The following PREP variants were observed in gnomAD, a reference collection of about 807,000 sequenced individuals.
PREP encodes dJ355L5.1 (prolyl endopeptidase).
A neutral mutation model predicts 87.6 loss-of-function variants in PREP; 29 were observed. That is an observed-to-expected ratio of 0.33 (90% CI 0.25 to 0.45). The LOEUF is 0.45. Among genes scored for constraint, PREP ranks in the 20% least tolerant of loss-of-function variants. PREP has a pLI of 1.00. For synonymous variants in PREP, 337 were observed against 328.6 expected, an observed-to-expected ratio of 1.03 and a Z score of -0.28; for missense variants, 695 against 886.5, an observed-to-expected ratio of 0.78 and a Z score of 2.74.
chr6:105,279,662 G>C (rs1205842591), intron 14 of PREP, among the ~76,000 whole-genome samples: 1 of 152,192 alleles, frequency 6.6e-6, no homozygotes, highest in Non-Finnish European at 1.5e-5. Context: ...GGCTTGAGGA[G>C]CTCCCTGTAG....
At chr6:105,332,135 G>C (rs2114657333) in intron 8 of PREP, among the ~76,000 whole-genome samples, 1 of 152,106 alleles carries the variant, frequency 6.6e-6, no homozygotes, top group African/African-American at 2.4e-5. Context: ...CAAGAGGGTT[G>C]AAGAGTGCAG....
chr6:105,352,826 A>C, intron 7 of PREP, 146 bp downstream of exon 7: 76 of 631,428 alleles, frequency 1.2e-4, no homozygotes, highest in Non-Finnish European at 1.5e-4. Context: ...ATTTTATGGA[A>C]TAGTACTAAA....
chr6:105,390,454 A>C (rs752395731), intron 2 of PREP, among the ~76,000 whole-genome samples: 25 of 152,228 alleles, frequency 1.6e-4, no homozygotes, highest in Non-Finnish European at 3.4e-4. Flanking sequence ...ACTCAGGGAG[A>C]ATAAGAAGTT....
At chr6:105,383,874 G>T (rs905854516) in intron 2 of PREP, among the ~76,000 whole-genome samples, 1 of 152,102 alleles carries the variant, frequency 6.6e-6, no homozygotes, top group Non-Finnish European at 1.5e-5. Flanking sequence ...GTGAAGAGGT[G>T]ATTTGCACCT....
At chr6:105,334,712 C>CACAACAACAACAACAACAACAACA (rs1241061594) in intron 7 of PREP, among the ~76,000 whole-genome samples, 3 of 102,744 alleles carry the variant, frequency 2.9e-5, no homozygotes, top group African/African-American at 1.9e-4. Context: ...GAGACTCTGT[C>CACAACAACAACAACAACAACAACA]TCAACAACAA....
intron 10 of PREP, among the ~76,000 whole-genome samples, chr6:105,320,715 A>T (rs1379042561): frequency 1.3e-5 from 2 of 152,124 alleles, no homozygotes; most frequent in Non-Finnish European, 2.9e-5. Context: ...GAGATAAGAT[A>T]CTCTTTTCAA....
At chr6:105,344,594 A>G (rs764570375) in intron 7 of PREP, among the ~76,000 whole-genome samples, 8 of 151,302 alleles carry the variant, frequency 5.3e-5, no homozygotes, top group Non-Finnish European at 1.2e-4. Context: ...AAAACCAAAC[A>G]CTGCATGTTC....
rs545781879 is a variant in PREP at position 105,287,262 on chromosome 6, T to C, written c.1454+1496A>G. ...ACAAATCTCGTTGCCTGGGAAACTT[T>C]GGAAAGAGATGGGAAGTCCTCATGT... On this transcript the variant is annotated intron_variant, in intron 11 of 14. Transcript: ENST00000652536. Among the ~76,000 whole-genome samples, 5 of 152,222 alleles carry C rather than the reference T, an allele frequency of 3.3e-5. No homozygotes were observed. The South Asian group carries it at 1.0e-3, about 32-fold the overall frequency.
Position 105,352,276 on chromosome 6 carries a change from T to G in PREP, c.823+696A>C, listed in dbSNP as rs180748692. On this transcript the variant is annotated intron_variant, in intron 7 of 14. Coordinates refer to ENST00000652536, the MANE Select transcript of PREP (RefSeq NM_002726.5). Reference sequence around the variant, plus strand: ...CATAGTAAATTGTGCAGCTGAAAAGTTTTTGTGCTTGATGATAGTGCTGGT... The same window carrying G: ...CATAGTAAATTGTGCAGCTGAAAAGGTTTTGTGCTTGATGATAGTGCTGGT... Among the ~76,000 whole-genome samples, 193 of 152,270 alleles carry G rather than the reference T, an allele frequency of 1.3e-3. 2 individuals carry two copies. The highest frequency in any genetic ancestry group is 4.2e-3 in the African/African-American group (174 of 41,534).
chr6:105,325,024 C>A (rs944183283), intron 9 of PREP, among the ~76,000 whole-genome samples: 3 of 152,096 alleles, frequency 2.0e-5, no homozygotes, highest in Non-Finnish European at 4.4e-5. Flanking sequence ...TATATACTTC[C>A]AATTGCATTC....
At chr6:105,357,999 A>C (rs1013108944) in intron 6 of PREP, among the ~76,000 whole-genome samples, 26 of 151,834 alleles carry the variant, frequency 1.7e-4, no homozygotes, top group African/African-American at 5.3e-4. Context: ...ATTTGCAAGC[A>C]CTGATTTTTT....
At chr6:105,307,338 T>C (rs1362053409) in intron 10 of PREP, among the ~76,000 whole-genome samples, 1 of 152,110 alleles carries the variant, frequency 6.6e-6, no homozygotes, top group Non-Finnish European at 1.5e-5. Flanking sequence ...CCAAAGCTCC[T>C]TTCCAGGAGG....
chr6:105,311,383 C>A (rs1770758435), intron 10 of PREP, among the ~76,000 whole-genome samples: 1 of 152,176 alleles, frequency 6.6e-6, no homozygotes, highest in Non-Finnish European at 1.5e-5. Context: ...CTTAGGTCCT[C>A]TCTGAGACCA....
intron 7 of PREP, among the ~76,000 whole-genome samples, chr6:105,340,331 C>A (rs1771608122): frequency 1.3e-5 from 2 of 152,162 alleles, no homozygotes; most frequent in South Asian, 4.1e-4. Context: ...CCTTTACAGA[C>A]AGACAAACTC....
At chr6:105,350,725 G>C (rs1202100589) in intron 7 of PREP, among the ~76,000 whole-genome samples, 1 of 152,124 alleles carries the variant, frequency 6.6e-6, no homozygotes, top group Non-Finnish European at 1.5e-5. Flanking sequence ...TATCCACTTG[G>C]TGAATAACTG....
intron 6 of PREP, among the ~76,000 whole-genome samples, chr6:105,359,891 C>A (rs1376909186): frequency 6.6e-6 from 1 of 152,176 alleles, no homozygotes; most frequent in Non-Finnish European, 1.5e-5. Flanking sequence ...TCTCCCTCTG[C>A]TGCGATCGTT....
At chr6:105,358,036 C>T (rs1024882054) in intron 6 of PREP, among the ~76,000 whole-genome samples, 2 of 151,808 alleles carry the variant, frequency 1.3e-5, no homozygotes, top group Non-Finnish European at 1.5e-5. Flanking sequence ...TAATATTAGC[C>T]TGACCAATTA....
intron 1 of PREP, among the ~76,000 whole-genome samples, chr6:105,399,798 C>A (rs1307329649): frequency 6.6e-6 from 1 of 152,188 alleles, no homozygotes; most frequent in East Asian, 1.9e-4. Context: ...GGAGCAACAG[C>A]AGGGATAAGG....
chr6:105,364,226 C>CA (rs1772325238), intron 6 of PREP, among the ~76,000 whole-genome samples: 1 of 152,112 alleles, frequency 6.6e-6, no homozygotes, highest in Non-Finnish European at 1.5e-5. Context: ...TTCCAATAAC[C>CA]AAAAGTGTCC....
Sources: allele counts gnomAD v4.1 joint callset (sites outside exome capture counted in the v4.1 genomes callset), GRCh38; gene constraint gnomAD v4.1.1; transcripts MANE v1.5; gene names NCBI Gene and HGNC (gene_info 2026-07-23, HGNC 2026-07-21).